Variants in SPIRE2 observed in about 807,000 individuals in gnomAD.
SPIRE2 encodes protein spire homolog 2.
SPIRE2 carries 76 observed loss-of-function variants against 80.7 expected under a neutral mutation model. The observed-to-expected ratio is 0.94, with a 90% CI of 0.78 to 1.14. SPIRE2 has a LOEUF of 1.14. Ranked by LOEUF, SPIRE2 falls within the 50% of genes most tolerant of loss-of-function variation. The pLI, the probability that SPIRE2 is intolerant of heterozygous loss-of-function variation, is 0.00. For missense variants in SPIRE2, 1,196 were observed against 1,015.3 expected (o/e 1.18, Z -2.42); for synonymous variants, 535 against 432.6 (o/e 1.24, Z -2.94).
At chr16:89,842,715 G>A (rs2041516719) in intron 1 of SPIRE2, among the ~76,000 whole-genome samples, 1 of 152,218 alleles carries the variant, frequency 6.6e-6, no homozygotes, top group Non-Finnish European at 1.5e-5. Flanking sequence ...GTTCCAGGGA[G>A]CACCTTTGTT....
rs2041351309 is a variant in SPIRE2, at chr16:89,828,793, G to A, written c.243G>A (p.Ala81=). The A allele has an allele frequency of 8.5e-7, 1 of 1,180,898 alleles. No homozygotes were observed. The highest frequency in any genetic ancestry group is 1.0e-6 in the Non-Finnish European group (1 of 955,178). 73.2% of individuals were successfully genotyped at this position (1,180,898 alleles called of 1,614,324 possible). ...GSVGAREPEA[A]EPATMVVPLA... ...TCGGGGCGCGGGAGCCCGAGGCCGCGGGTGAGGCCGGGGGCGGGGCAGCCG... is the reference window on the plus strand; with the variant it reads ...TCGGGGCGCGGGAGCCCGAGGCCGCAGGTGAGGCCGGGGGCGGGGCAGCCG... Residue 81 remains alanine (A), a splice_region_variant and synonymous_variant, in exon 1 of 15, where the codon GCG becomes GCA. Coordinates refer to ENST00000378247, the MANE Select transcript of SPIRE2 (RefSeq NM_032451.2). This position sits in a 1 kb window ranked among gnomAD's most constrained non-coding sequence, Gnocchi z 5.9.
Position 89,850,615 on chromosome 16 carries a change from G to T in SPIRE2, c.600G>T (p.Thr200=). Residue 200 remains threonine, a synonymous_variant, in exon 3 of 15, where the codon ACG becomes ACT. Coordinates refer to ENST00000378247, the MANE Select transcript of SPIRE2 (RefSeq NM_032451.2). Reference sequence around the variant, plus strand: ...TGTGCCGCGCGCTCTTCGTGGAGACGCTGGAGCTGCGGGCCTTCCTGGCCA... The same window carrying T: ...TGTGCCGCGCGCTCTTCGTGGAGACTCTGGAGCTGCGGGCCTTCCTGGCCA... ...QAVCRALFVE[T]LELRAFLARV... 1 of 1,515,826 alleles carries T rather than the reference G, an allele frequency of 6.6e-7. No individual in the cohort carries two copies. The highest frequency in any genetic ancestry group is 8.8e-7 in the Non-Finnish European group (1 of 1,138,132). 93.9% of individuals were successfully genotyped at this position (1,515,826 alleles called of 1,614,324 possible). A position where few individuals can be genotyped will look rare whatever the true frequency, so the allele number is the denominator to read the frequency against.
At chr16:89,854,977 C>A (rs989985926) in intron 5 of SPIRE2, among the ~76,000 whole-genome samples, 1 of 151,790 alleles carries the variant, frequency 6.6e-6, no homozygotes, top group African/African-American at 2.4e-5. Flanking sequence ...CTCGCTCTGT[C>A]GCCCAGGCTG....
chr16:89,835,826 G>A (rs2041443284), intron 1 of SPIRE2, among the ~76,000 whole-genome samples: 1 of 152,146 alleles, frequency 6.6e-6, no homozygotes, highest in African/African-American at 2.4e-5. Flanking sequence ...CTTCATTCCA[G>A]CGCGTGTGTC....
chr16:89,864,834 A>G (rs1424261779), intron 12 of SPIRE2, among the ~76,000 whole-genome samples: 1 of 152,194 alleles, frequency 6.6e-6, no homozygotes. Context: ...TTAAACATCA[A>G]CAAAAAAACA....
Position 89,870,758 on chromosome 16 carries a change from T to G in SPIRE2, c.*486T>G. 1 of 161,802 alleles carries G rather than the reference T, an allele frequency of 6.2e-6. No individual in the cohort carries two copies. The allele number at this position is 161,802 out of a possible 1,614,324, so 10.0% of individuals were successfully genotyped here. A position where few individuals can be genotyped will look rare whatever the true frequency, so the allele number is the denominator to read the frequency against. On this transcript the variant is annotated 3_prime_UTR_variant, in exon 15 of 15. Coordinates refer to ENST00000378247, the MANE Select transcript of SPIRE2 (RefSeq NM_032451.2). ...CAGAGGCATCTGGGAAGTCTCTGAG[T>G]AGGCAGGGTCCTCCTGGGAGGCACC...
chr16:89,868,716 A>G (rs953122784), intron 13 of SPIRE2, among the ~76,000 whole-genome samples: 1 of 152,030 alleles, frequency 6.6e-6, no homozygotes, highest in Non-Finnish European at 1.5e-5. Context: ...TTAGCTGGGC[A>G]TGGTGGCACG....
chr16:89,838,275 T>C (rs2041470393), intron 1 of SPIRE2, among the ~76,000 whole-genome samples: 1 of 148,886 alleles, frequency 6.7e-6, no homozygotes, highest in Non-Finnish European at 1.5e-5. Flanking sequence ...CTCCACCTCC[T>C]AGGTTCTTGC....
At chr16:89,837,226 A>C (rs2041458845) in intron 1 of SPIRE2, among the ~76,000 whole-genome samples, 1 of 152,122 alleles carries the variant, frequency 6.6e-6, no homozygotes, top group Admixed American at 6.5e-5. Context: ...GAGAATCTGC[A>C]TCTGTAACAA....
In SPIRE2 at chr16:89,861,158, C is replaced by T. The variant is rs1188755658; in HGVS notation, c.1575+363C>T. Among the ~76,000 whole-genome samples, 4 of 152,272 alleles carry T rather than the reference C, an allele frequency of 2.6e-5. No individual in the cohort carries two copies. The South Asian group carries it at 8.3e-4, about 32-fold the overall frequency. ...GAGACCTTGACTCTGGCCGTGACGCCGCCACGGTACTGCTCAGCCCCTCTG... is the reference window on the plus strand; with the variant it reads ...GAGACCTTGACTCTGGCCGTGACGCTGCCACGGTACTGCTCAGCCCCTCTG... On this transcript the variant is annotated intron_variant, in intron 10 of 14. Transcript: ENST00000378247.
chr16:89,830,928 G>A (rs935513149), intron 1 of SPIRE2, among the ~76,000 whole-genome samples: 1 of 69,762 alleles, frequency 1.4e-5, no homozygotes, highest in African/African-American at 4.8e-5. Flanking sequence ...TTTTTTTTTT[G>A]AGAGGGAGTC....
At position 89,828,509 on chromosome 16, in the gene SPIRE2, T is replaced by A; in HGVS notation, c.-42T>A. 9 of 1,015,764 alleles carry A rather than the reference T, an allele frequency of 8.9e-6. No homozygotes were observed. The highest frequency in any genetic ancestry group is 5.9e-5 in the Admixed American group (1 of 16,992). 62.9% of individuals were successfully genotyped at this position (1,015,764 alleles called of 1,614,324 possible). On this transcript the variant is annotated 5_prime_UTR_variant, in exon 1 of 15. The change abolishes an upstream ATG in the 5' untranslated region. Transcript: ENST00000378247. The surrounding 1 kb of genome is among the most constrained non-coding windows in gnomAD (Gnocchi z 5.9). ...CTGCGCGGCGGAAGGCGCGGCTGCA[T>A]GGACGCGGGTCCGGCGCGCGGGAGG...
intron 12 of SPIRE2, among the ~76,000 whole-genome samples, chr16:89,865,905 G>A (rs1038932434): frequency 1.3e-5 from 2 of 149,200 alleles, no homozygotes; most frequent in African/African-American, 5.0e-5. Flanking sequence ...GAGGTGGAGG[G>A]TGCAGTGAGC....
intron 12 of SPIRE2, among the ~76,000 whole-genome samples, chr16:89,865,965 C>CAAAAA (rs376787173): frequency 1.7e-5 from 1 of 57,518 alleles, no homozygotes; most frequent in Non-Finnish European, 3.1e-5. Context: ...GAGACTGTCT[C>CAAAAA]AAAAAAAAAA....
intron 6 of SPIRE2, 23 bp from the exon 7 acceptor site, chr16:89,856,090 C>G (rs1256990825): frequency 6.2e-7 from 1 of 1,601,712 alleles, no homozygotes; most frequent in Admixed American, 1.7e-5. Flanking sequence ...TTCCCCACCG[C>G]AGGTCTCGCT....
chr16:89,864,525 C>T (rs375625884), intron 12 of SPIRE2, among the ~76,000 whole-genome samples: 12 of 152,230 alleles, frequency 7.9e-5, no homozygotes, highest in East Asian at 5.8e-4. Context: ...AAGGTTTATT[C>T]TCTGGCCCTT....
In SPIRE2 at chr16:89,850,616, C is replaced by A; in HGVS notation, c.601C>A (p.Leu201Met). The change falls in exon 3 of 15, where the codon CTG becomes ATG. Residue 201 changes from leucine to methionine, a missense_variant. Leu to Met is a conservative substitution (Grantham distance 15). Coordinates refer to ENST00000378247, the MANE Select transcript of SPIRE2 (RefSeq NM_032451.2). The part of the protein sequence containing the change: ...AVCRALFVET[L>M]ELRAFLARVR... ...GTGCCGCGCGCTCTTCGTGGAGACGCTGGAGCTGCGGGCCTTCCTGGCCAG... is the reference window on the plus strand; with the variant it reads ...GTGCCGCGCGCTCTTCGTGGAGACGATGGAGCTGCGGGCCTTCCTGGCCAG... 6.6e-7 allele frequency: 1 copy of A among 1,510,900 alleles called. No homozygotes were observed. Among genetic ancestry groups the A allele is most frequent in the Non-Finnish European group, 8.8e-7 (1 of 1,135,346 alleles). 93.6% of individuals were successfully genotyped at this position (1,510,900 alleles called of 1,614,324 possible).
chr16:89,855,854 C>G (rs922274369), intron 6 of SPIRE2, 168 bp downstream of exon 6: 1 of 897,322 alleles, frequency 1.1e-6, no homozygotes, highest in Non-Finnish European at 1.7e-6. Context: ...TGTGTGCCAG[C>G]CCGGGGCTGT....
intron 12 of SPIRE2, among the ~76,000 whole-genome samples, chr16:89,866,692 T>A (rs937138416): frequency 2.7e-5 from 4 of 150,220 alleles, no homozygotes; most frequent in Non-Finnish European, 5.9e-5. Flanking sequence ...CACTGCAAGC[T>A]CCACCTCCCG....
Sources: gnomAD v4.1 joint callset for allele counts (sites outside exome capture counted in the v4.1 genomes callset) on GRCh38, gnomAD v4.1.1 for gene constraint, Gnocchi (gnomAD v3.1) non-coding constraint, MANE v1.5 for transcripts, NCBI Gene and HGNC (gene_info 2026-07-23, HGNC 2026-07-21) for gene names.